CLSTN2: variants seen among roughly 807,000 people sequenced by gnomAD.
The protein encoded by CLSTN2 is calsyntenin-2.
In CLSTN2, 48 loss-of-function variants were observed where a neutral mutation model predicts 101.2. That is an observed-to-expected ratio of 0.47 (90% CI 0.38 to 0.60). CLSTN2 has a LOEUF of 0.60. Ranked by LOEUF, CLSTN2 falls within the 20% of genes least tolerant of loss-of-function variation. CLSTN2 has a pLI of 0.00. For missense variants in CLSTN2, 1,160 were observed against 1,238.2 expected, an observed-to-expected ratio of 0.94 and a Z score of 0.95; for synonymous variants, 481 against 463.6, an observed-to-expected ratio of 1.04 and a Z score of -0.48.
intron 2 of CLSTN2, among the ~76,000 whole-genome samples, chr3:140,204,784 G>A (rs766786662): frequency 5.3e-5 from 8 of 152,156 alleles, no homozygotes; most frequent in Non-Finnish European, 1.2e-4. Context: ...ATTGCCTAGG[G>A]TCTTATTCCC....
chr3:140,010,457 C>T lies in CLSTN2; in HGVS notation c.109+74974C>T, dbSNP rs1000232151. On this transcript the variant is annotated intron_variant, in intron 1 of 16. Transcript: ENST00000458420. ...GGCCTGCCTTGTTGTCTGGCAGGCG[C>T]TCCTCTCTGATCAGAGGAATGGCCC... 3.9e-5 allele frequency among the ~76,000 whole-genome samples: 6 copies of T among 152,318 alleles called. No individual in the cohort carries two copies. In the East Asian group the frequency reaches 7.7e-4, roughly 20 times the overall value.
intron 1 of CLSTN2, among the ~76,000 whole-genome samples, chr3:140,043,676 T>C (rs2007807750): frequency 6.6e-6 from 1 of 152,242 alleles, no homozygotes; most frequent in East Asian, 1.9e-4. Context: ...TTTAAGTCTT[T>C]AATCCATCTT....
chr3:140,200,338 G>A (rs759337001), intron 2 of CLSTN2, among the ~76,000 whole-genome samples: 1 of 152,000 alleles, frequency 6.6e-6, no homozygotes, highest in Non-Finnish European at 1.5e-5. Context: ...AAGTTTCAGG[G>A]GATTTATGGA....
At chr3:140,275,221 G>T (rs2086782279) in intron 2 of CLSTN2, among the ~76,000 whole-genome samples, 1 of 151,958 alleles carries the variant, frequency 6.6e-6, no homozygotes, top group East Asian at 1.9e-4. Flanking sequence ...ATCCTTGTTT[G>T]ACTTCCTCTT....
At chr3:140,549,956 C>A (rs1935673866) in intron 10 of CLSTN2, among the ~76,000 whole-genome samples, 1 of 150,542 alleles carries the variant, frequency 6.6e-6, no homozygotes, top group South Asian at 2.1e-4. Context: ...TTAGTGGCTG[C>A]TGTATTGTAT....
Position 140,558,815 on chromosome 3 carries a change from AC to A in CLSTN2, c.2001del (p.Phe668SerfsTer10). ...TLFPDIKIVS[T>X]FAKTEAPGDV... The stretch of plus-strand genomic sequence containing the variant: ...CTTCCCTGATATCAAGATTGTGAGC[AC>A]CTTCGCCAAAACCGAAGCCCCCGGG... On this transcript the variant is annotated frameshift_variant, in exon 12 of 17. Transcript: ENST00000458420. LOFTEE classifies it high-confidence loss of function. The A allele has an allele frequency of 6.2e-7, 1 of 1,613,980 alleles. No individual in the cohort carries two copies. Among genetic ancestry groups the A allele is most frequent in the Non-Finnish European group, 8.5e-7 (1 of 1,179,978 alleles).
chr3:140,444,108 G>C (rs1172562841), intron 5 of CLSTN2, among the ~76,000 whole-genome samples: 1 of 152,164 alleles, frequency 6.6e-6, no homozygotes, highest in Admixed American at 6.5e-5. Context: ...AAAAATTATA[G>C]TTGTCTCAGT....
At chr3:140,444,495 T>C (rs375623154) in intron 5 of CLSTN2, among the ~76,000 whole-genome samples, 11 of 151,976 alleles carry the variant, frequency 7.2e-5, no homozygotes, top group Non-Finnish European at 8.8e-5. Flanking sequence ...GGTTTTATCA[T>C]TTGTGCAATT....
At chr3:140,352,797 C>G (rs2087623980) in intron 2 of CLSTN2, among the ~76,000 whole-genome samples, 1 of 152,134 alleles carries the variant, frequency 6.6e-6, no homozygotes, top group African/African-American at 2.4e-5. Flanking sequence ...GGAAATTCAT[C>G]TCTTTCTACC....
intron 1 of CLSTN2, among the ~76,000 whole-genome samples, chr3:140,006,962 C>T (rs1331969858): frequency 6.6e-6 from 1 of 151,996 alleles, no homozygotes; most frequent in Non-Finnish European, 1.5e-5. Context: ...AAGATTAATG[C>T]AAAAATCCAT....
intron 5 of CLSTN2, among the ~76,000 whole-genome samples, chr3:140,443,816 A>C (rs1450239791): frequency 6.6e-6 from 1 of 152,216 alleles, no homozygotes; most frequent in Non-Finnish European, 1.5e-5. Flanking sequence ...CCATAAGCCC[A>C]CGAGGGGATA....
intron 1 of CLSTN2, among the ~76,000 whole-genome samples, chr3:140,009,033 A>G (rs1239692852): frequency 5.3e-5 from 8 of 152,212 alleles, no homozygotes; most frequent in Admixed American, 5.2e-4. Context: ...ATCAATGTAA[A>G]TGTTTTCCTT....
At position 140,448,814 on chromosome 3, in the gene CLSTN2, G is replaced by A. The variant is rs957401203; in HGVS notation, c.973+110G>A. On this transcript the variant is annotated intron_variant, in intron 6 of 16. Transcript: ENST00000458420. The stretch of plus-strand genomic sequence containing the variant: ...AGAATCAACCCTCCCTTCCTGCACT[G>A]ATATGTGTAACTCCTGGATGGATTT... 52 of 950,526 alleles carry A rather than the reference G, an allele frequency of 5.5e-5. No individual in the cohort carries two copies. In the African/African-American group the frequency reaches 7.6e-4, roughly 14 times the overall value. The allele number at this position is 950,526 out of a possible 1,614,324, so 58.9% of individuals were successfully genotyped here. A position where few individuals can be genotyped will look rare whatever the true frequency, so the allele number is the denominator to read the frequency against.
At chr3:140,451,416 A>G (rs979442661) in intron 6 of CLSTN2, among the ~76,000 whole-genome samples, 2 of 152,108 alleles carry the variant, frequency 1.3e-5, no homozygotes, top group African/African-American at 4.8e-5. Context: ...CAAGGTGTGG[A>G]CTTATTTGGA....
chr3:139,952,056 G>A (rs746876606), intron 1 of CLSTN2, among the ~76,000 whole-genome samples: 10 of 152,164 alleles, frequency 6.6e-5, no homozygotes, highest in African/African-American at 2.4e-4. Context: ...ACTTTGAGAT[G>A]AAAATGCATT....
At chr3:140,337,040 A>C (rs12629771) in intron 2 of CLSTN2, among the ~76,000 whole-genome samples, 4,516 of 152,264 alleles carry the variant, frequency 0.03, 91 homozygotes, top group South Asian at 0.077. Flanking sequence ...CCGCTGCATC[A>C]CTTGATGCTC....
At chr3:140,098,197 T>C (rs1328013804) in intron 1 of CLSTN2, among the ~76,000 whole-genome samples, 1 of 152,184 alleles carries the variant, frequency 6.6e-6, no homozygotes, top group Non-Finnish European at 1.5e-5. Flanking sequence ...CAAACCACAG[T>C]AAGTATCACA....
intron 2 of CLSTN2, among the ~76,000 whole-genome samples, chr3:140,327,237 T>A (rs1011899503): frequency 3.3e-5 from 5 of 152,172 alleles, no homozygotes; most frequent in African/African-American, 4.8e-5. Context: ...TGGTACCCAA[T>A]CAAAATCTGA....
chr3:140,223,863 T>G (rs2086296346), intron 2 of CLSTN2, among the ~76,000 whole-genome samples: 1 of 152,152 alleles, frequency 6.6e-6, no homozygotes, highest in Non-Finnish European at 1.5e-5. Context: ...ACATGTAACT[T>G]AATGAGGATC....
Sources: allele counts gnomAD v4.1 joint callset (sites outside exome capture counted in the v4.1 genomes callset), GRCh38; gene constraint gnomAD v4.1.1; transcripts MANE v1.5; gene names NCBI Gene and HGNC (gene_info 2026-07-23, HGNC 2026-07-21).